ACOXL: variants seen among roughly 807,000 people sequenced by gnomAD.
ACOXL encodes acyl-CoA oxidase like.
ACOXL carries 70 observed loss-of-function variants against 71.9 expected under a neutral mutation model. That is an observed-to-expected ratio of 0.97 (90% confidence interval 0.80 to 1.19). ACOXL has a LOEUF of 1.19. Among genes scored for constraint, ACOXL ranks in the 50% most tolerant of loss-of-function variants. The pLI is 0.00. For missense variants in ACOXL, 703 were observed against 736.3 expected (o/e 0.95, Z 0.52); for synonymous variants, 253 against 281.6 (o/e 0.90, Z 1.02).
intron 12 of ACOXL, among the ~76,000 whole-genome samples, chr2:110,972,649 G>GCACA (rs56400982): frequency 1.7e-4 from 26 of 150,034 alleles, no homozygotes; most frequent in Non-Finnish European, 2.8e-4. Context: ...ACACACACGT[G>GCACA]CACACACACA....
chr2:111,045,513 C>T (rs2065972590), intron 15 of ACOXL, among the ~76,000 whole-genome samples: 1 of 152,226 alleles, frequency 6.6e-6, no homozygotes, highest in Admixed American at 6.5e-5. Context: ...GACGTGTTTG[C>T]TTCCCCTTCT....
chr2:110,925,230 G>C (rs1048525013), intron 11 of ACOXL, among the ~76,000 whole-genome samples: 42 of 152,184 alleles, frequency 2.8e-4, no homozygotes, highest in African/African-American at 9.7e-4. Flanking sequence ...AATAGTAAAT[G>C]ACCATTGGCT....
intron 12 of ACOXL, among the ~76,000 whole-genome samples, chr2:110,965,125 G>A (rs2061870664): frequency 6.6e-6 from 1 of 152,080 alleles, no homozygotes; most frequent in Non-Finnish European, 1.5e-5. Context: ...ATGACCTCCA[G>A]TTCCATTCAT....
chr2:110,906,657 G>T (rs1274985763), intron 10 of ACOXL, among the ~76,000 whole-genome samples: 1 of 151,552 alleles, frequency 6.6e-6, no homozygotes, highest in Non-Finnish European at 1.5e-5. Flanking sequence ...TGGTGTTGTG[G>T]TCAATCACTG....
chr2:110,956,542 T>G (rs1446472074), intron 12 of ACOXL, among the ~76,000 whole-genome samples: 4 of 152,022 alleles, frequency 2.6e-5, no homozygotes, highest in Non-Finnish European at 5.9e-5. Flanking sequence ...TTGCAGTGAC[T>G]CTCCATGCTC....
chr2:110,877,584 C>A (rs1012656321), intron 10 of ACOXL, among the ~76,000 whole-genome samples: 1 of 152,212 alleles, frequency 6.6e-6, no homozygotes. Flanking sequence ...ATGCAGCTCA[C>A]AAACCCACAG....
intron 16 of ACOXL, among the ~76,000 whole-genome samples, chr2:111,080,661 C>T (rs751422354): frequency 5.3e-5 from 8 of 152,324 alleles, no homozygotes; most frequent in South Asian, 2.1e-4. Flanking sequence ...CTCTCCCTAA[C>T]TCATTTTATG....
At chr2:110,882,629 T>C (rs970555429) in intron 10 of ACOXL, among the ~76,000 whole-genome samples, 3 of 152,224 alleles carry the variant, frequency 2.0e-5, no homozygotes, top group African/African-American at 7.2e-5. Flanking sequence ...AGTTAATGGC[T>C]GATTTTTTTC....
intron 10 of ACOXL, among the ~76,000 whole-genome samples, chr2:110,898,322 A>G (rs1376543467): frequency 1.3e-5 from 2 of 152,214 alleles, no homozygotes; most frequent in African/African-American, 4.8e-5. Flanking sequence ...ATTCTTCATG[A>G]ATATAGATAC....
At chr2:110,783,364 A>C (rs1006004614) in intron 2 of ACOXL, among the ~76,000 whole-genome samples, 2 of 152,196 alleles carry the variant, frequency 1.3e-5, no homozygotes, top group African/African-American at 4.8e-5. Context: ...TTATATACTC[A>C]AGCCTGGAGA....
At chr2:110,944,525 T>C (rs949566235) in intron 12 of ACOXL, among the ~76,000 whole-genome samples, 2 of 152,150 alleles carry the variant, frequency 1.3e-5, no homozygotes, top group African/African-American at 4.8e-5. Flanking sequence ...TAGGCCCCAG[T>C]GTCTGTTGTT....
chr2:110,889,481 T>C (rs1308958668), intron 10 of ACOXL, among the ~76,000 whole-genome samples: 1 of 152,230 alleles, frequency 6.6e-6, no homozygotes, highest in Admixed American at 6.5e-5. Context: ...CTGTATTCTT[T>C]AGTAGTCACT....
intron 12 of ACOXL, among the ~76,000 whole-genome samples, chr2:110,948,990 C>T (rs569466477): frequency 6.6e-6 from 1 of 152,078 alleles, no homozygotes; most frequent in South Asian, 2.1e-4. Context: ...AGTAGGTCAG[C>T]TTGACTTAGA....
At chr2:110,792,615 C>A (rs1341549570) in intron 3 of ACOXL, among the ~76,000 whole-genome samples, 1 of 152,028 alleles carries the variant, frequency 6.6e-6, no homozygotes, top group Admixed American at 6.5e-5. Flanking sequence ...CATAGCAAGA[C>A]CTCATCTCTA....
chr2:110,979,628 G>T (rs1027100196), intron 12 of ACOXL, among the ~76,000 whole-genome samples: 10 of 152,182 alleles, frequency 6.6e-5, no homozygotes, highest in African/African-American at 2.4e-4. Flanking sequence ...AGAGCACAGG[G>T]GGTGCGGGGC....
chr2:110,942,209 T>C (rs1038663688), intron 12 of ACOXL, among the ~76,000 whole-genome samples: 4 of 152,242 alleles, frequency 2.6e-5, no homozygotes, highest in Non-Finnish European at 5.9e-5. Context: ...CAAAATGGTA[T>C]ATTTAAACTT....
intron 17 of ACOXL, among the ~76,000 whole-genome samples, chr2:111,112,365 A>C (rs1484685455): frequency 6.6e-6 from 1 of 152,168 alleles, no homozygotes; most frequent in Non-Finnish European, 1.5e-5. Flanking sequence ...TCCCCTTTCT[A>C]GTAGTTGTTG....
At chr2:110,921,409 T>C (rs1475421314) in intron 11 of ACOXL, among the ~76,000 whole-genome samples, 1 of 137,460 alleles carries the variant, frequency 7.3e-6, no homozygotes, top group Non-Finnish European at 1.6e-5. Flanking sequence ...CCTTTTTTTT[T>C]TGAGGCAGAG....
At chr2:110,996,628 G>C (rs549034619) in intron 14 of ACOXL, among the ~76,000 whole-genome samples, 1 of 152,282 alleles carries the variant, frequency 6.6e-6, no homozygotes, top group South Asian at 2.1e-4. Flanking sequence ...CAGGCCAGGG[G>C]CTCAGGGCTA....
Sources: gnomAD v4.1 joint callset for allele counts (sites outside exome capture counted in the v4.1 genomes callset) on GRCh38, gnomAD v4.1.1 for gene constraint, MANE v1.5 for transcripts, NCBI Gene and HGNC (gene_info 2026-07-23, HGNC 2026-07-21) for gene names.